IL1RAPL2: variants seen among roughly 807,000 people sequenced by gnomAD.
IL1RAPL2 encodes the protein interleukin 1 receptor accessory protein like 2.
A neutral mutation model predicts 44.1 loss-of-function variants in IL1RAPL2; 3 were observed. The observed-to-expected ratio is 0.07, with a 90% CI of 0.03 to 0.18. The LOEUF (loss-of-function observed/expected upper bound fraction) is 0.18, where lower values mean the gene tolerates loss of function less well. Among genes scored for constraint, IL1RAPL2 ranks in the 10% least tolerant of loss-of-function variants. The pLI, the probability that IL1RAPL2 is intolerant of heterozygous loss-of-function variation, is 1.00. For missense variants in IL1RAPL2, 391 were observed against 496.4 expected, an observed-to-expected ratio of 0.79 and a Z score of 2.02; for synonymous variants, 181 against 178.8, an observed-to-expected ratio of 1.01 and a Z score of -0.10.
chrX:104,901,211 T>C (rs1156667723), intron 2 of IL1RAPL2, among the ~76,000 whole-genome samples: 1 of 75,335 alleles, frequency 1.3e-5, no homozygotes, highest in Admixed American at 1.5e-4. Context: ...TTTTTTTTTT[T>C]TTTTTTTTTT....
chrX:104,815,276 G>C (rs774491526), intron 2 of IL1RAPL2, among the ~76,000 whole-genome samples: 2 of 111,945 alleles, frequency 1.8e-5, no homozygotes, highest in African/African-American at 6.5e-5. Flanking sequence ...GAAACCAGGA[G>C]TCCAAAATGG....
chrX:105,130,878 G>A (rs1360128724), intron 2 of IL1RAPL2, among the ~76,000 whole-genome samples: 1 of 111,228 alleles, frequency 9.0e-6, no homozygotes. Flanking sequence ...GAAACAGAAA[G>A]CCTGTCATGA....
intron 2 of IL1RAPL2, among the ~76,000 whole-genome samples, chrX:105,067,601 G>C (rs1456661254): frequency 6.3e-5 from 7 of 111,888 alleles, no homozygotes; most frequent in Non-Finnish European, 1.3e-4. Flanking sequence ...AAGCGAAAGA[G>C]AGATACAGAT....
At chrX:104,956,461 A>AGTGTGTGT (rs59541869) in intron 2 of IL1RAPL2, among the ~76,000 whole-genome samples, 1,117 of 83,975 alleles carry the variant, frequency 0.013, 10 homozygotes, top group Middle Eastern at 0.024. Context: ...GTCTCTACTA[A>AGTGTGTGT]GTGTGTGTGT....
At chrX:105,317,989 TAA>T (rs1569422879) in intron 5 of IL1RAPL2, among the ~76,000 whole-genome samples, 3 of 108,170 alleles carry the variant, frequency 2.8e-5, no homozygotes, top group East Asian at 2.9e-4. Flanking sequence ...TTTTTTTTTT[TAA>T]AGACGAAGTC....
chrX:105,301,557 T>C (rs2034697989), intron 5 of IL1RAPL2, among the ~76,000 whole-genome samples: 1 of 110,457 alleles, frequency 9.1e-6, no homozygotes, highest in Non-Finnish European at 1.9e-5. Context: ...CATCCTTCTA[T>C]TCTCTATCTC....
At chrX:104,919,711 T>G (rs1266682776) in intron 2 of IL1RAPL2, among the ~76,000 whole-genome samples, 1 of 80,922 alleles carries the variant, frequency 1.2e-5, no homozygotes, top group African/African-American at 4.2e-5. Flanking sequence ...TTTTTTTTTT[T>G]TGTATTTTTA....
intron 2 of IL1RAPL2, among the ~76,000 whole-genome samples, chrX:105,107,734 C>A (rs1819103439): frequency 9.0e-6 from 1 of 111,332 alleles, no homozygotes; most frequent in Non-Finnish European, 1.9e-5. Flanking sequence ...ATTTAGAAAG[C>A]AATAAAAGGT....
At chrX:105,633,043 C>T (rs1054458935) in intron 6 of IL1RAPL2, among the ~76,000 whole-genome samples, 2 of 111,863 alleles carry the variant, frequency 1.8e-5, no homozygotes, top group Non-Finnish European at 3.8e-5. Flanking sequence ...AGGGAAACTT[C>T]CTCTCCCGCC....
intron 4 of IL1RAPL2, among the ~76,000 whole-genome samples, chrX:105,257,839 G>A (rs1355905361): frequency 8.9e-6 from 1 of 111,803 alleles, no homozygotes; most frequent in Non-Finnish European, 1.9e-5. Context: ...TGTGAGATGG[G>A]TCTTTTGAAG....
chrX:105,051,845 C>A (rs1213423830), intron 2 of IL1RAPL2, among the ~76,000 whole-genome samples: 4 of 112,250 alleles, frequency 3.6e-5, no homozygotes, highest in Non-Finnish European at 7.5e-5. Flanking sequence ...GAGAGGGGAA[C>A]AACATACACC....
intron 6 of IL1RAPL2, among the ~76,000 whole-genome samples, chrX:105,673,280 C>G (rs2037840087): frequency 9.0e-6 from 1 of 110,646 alleles, no homozygotes; most frequent in Non-Finnish European, 1.9e-5. Context: ...GGTATTAAGC[C>G]CAGCATGCAT....
chrX:104,670,230 G>C (rs143238500), intron 2 of IL1RAPL2, among the ~76,000 whole-genome samples: 2 of 111,420 alleles, frequency 1.8e-5, no homozygotes, highest in South Asian at 7.6e-4. Flanking sequence ...AGGCCTGAGA[G>C]CCTCCAGCAA....
At position 104,763,768 on chromosome X, in the gene IL1RAPL2, G is replaced by A. The variant is rs183051625; in HGVS notation, c.82+104773G>A. On this transcript the variant is annotated intron_variant, in intron 2 of 10. Transcript: ENST00000372582. ...CACTATCATAAGAAAAGCAGCATGG[G>A]GGTAACTGCCCCCATGATTCAATTA... is the stretch of plus-strand genomic sequence containing the variant. Among the ~76,000 whole-genome samples, 248 of 110,907 alleles carry A rather than the reference G, an allele frequency of 2.2e-3. 1 individual carries two copies. Among genetic ancestry groups the A allele is most frequent in the African/African-American group, 7.7e-3 (234 of 30,489 alleles).
intron 6 of IL1RAPL2, among the ~76,000 whole-genome samples, chrX:105,677,017 TAA>T (rs983310349): frequency 2.5e-4 from 28 of 112,247 alleles, no homozygotes; most frequent in African/African-American, 8.4e-4. Flanking sequence ...TCCAATTTTT[TAA>T]AGTTTCCAGT....
At chrX:105,074,653 T>G (rs1329305373) in intron 2 of IL1RAPL2, among the ~76,000 whole-genome samples, 8 of 106,301 alleles carry the variant, frequency 7.5e-5, no homozygotes, top group Non-Finnish European at 1.4e-4. Flanking sequence ...TTTCACGATA[T>G]TGATTCTTCC....
At chrX:105,031,699 A>G (rs1461210106) in intron 2 of IL1RAPL2, among the ~76,000 whole-genome samples, 2 of 111,659 alleles carry the variant, frequency 1.8e-5, no homozygotes, top group African/African-American at 6.5e-5. Flanking sequence ...ATTGGTCTAA[A>G]ATTCTCTTTT....
chrX:105,219,308 G>A (rs374463333), intron 3 of IL1RAPL2: 53 of 1,208,992 alleles, frequency 4.4e-5, no homozygotes, highest in Non-Finnish European at 5.9e-5. Context: ...GAGGCAGGGA[G>A]CTGGACAGGA....
chrX:104,887,077 C>A (rs1923271280), intron 2 of IL1RAPL2, among the ~76,000 whole-genome samples: 1 of 112,456 alleles, frequency 8.9e-6, no homozygotes, highest in African/African-American at 3.2e-5. Context: ...TGAATACAGC[C>A]ATAATGGCTT....
Sources: allele counts gnomAD v4.1 joint callset (sites outside exome capture counted in the v4.1 genomes callset), GRCh38; gene constraint gnomAD v4.1.1; transcripts MANE v1.5; gene names NCBI Gene and HGNC (gene_info 2026-07-23, HGNC 2026-07-21).